The following CIMIP2C variants were observed in gnomAD, a reference collection of about 807,000 sequenced individuals.
The protein encoded by CIMIP2C is UPF0573 protein C2orf70.
At chr2:26,572,301 G>T in the CIMIP2C span, 1 of 736,518 alleles carries the variant, frequency 1.4e-6, no homozygotes, top group Non-Finnish European at 2.0e-6. Flanking sequence ...CAATAGATTT[G>T]AAGCTCACCA....
chr2:26,568,040 G>A, the CIMIP2C span, among the ~76,000 whole-genome samples: 6 of 152,218 alleles, frequency 3.9e-5, no homozygotes, highest in East Asian at 3.9e-4. Flanking sequence ...GCACACCCCC[G>A]CCCCCAGGCT....
chr2:26,575,116 C>T, the CIMIP2C span, among the ~76,000 whole-genome samples: 7 of 152,206 alleles, frequency 4.6e-5, no homozygotes, highest in African/African-American at 1.7e-4. Context: ...CCTCCGCTCG[C>T]CCATCTCCTG....
chr2:26,579,312 G>A, the CIMIP2C span: 93 of 1,613,602 alleles, frequency 5.8e-5, no homozygotes, highest in Non-Finnish European at 7.6e-5. Context: ...TGTGCCCAAA[G>A]AAGAAGTGGC....
the CIMIP2C span, among the ~76,000 whole-genome samples, chr2:26,573,219 G>T: frequency 2.6e-5 from 4 of 152,124 alleles, no homozygotes; most frequent in African/African-American, 9.7e-5. Context: ...GGCAGAAGAT[G>T]CAGCGTATTC....
chr2:26,571,758 G>T, the CIMIP2C span, among the ~76,000 whole-genome samples: 1 of 152,072 alleles, frequency 6.6e-6, no homozygotes, highest in Non-Finnish European at 1.5e-5. Flanking sequence ...GCGCGCTCAG[G>T]GTGGTATGGC....
the CIMIP2C span, among the ~76,000 whole-genome samples, chr2:26,572,349 G>GTT: frequency 7.2e-6 from 1 of 138,654 alleles, no homozygotes; most frequent in Non-Finnish European, 1.6e-5. Context: ...TACTGAGTTG[G>GTT]TTTTTTTTTT....
the CIMIP2C span, among the ~76,000 whole-genome samples, chr2:26,564,334 C>A: frequency 6.6e-6 from 1 of 152,226 alleles, no homozygotes; most frequent in Admixed American, 6.5e-5. Flanking sequence ...CACAGTTCCC[C>A]AACTCTGTTT....
chr2:26,579,451 A>G, the CIMIP2C span: 2 of 1,612,204 alleles, frequency 1.2e-6, no homozygotes, highest in Non-Finnish European at 8.5e-7. Flanking sequence ...CTTTTAGTTC[A>G]GAGCAGAGCC....
At chr2:26,571,117 T>C in the CIMIP2C span, among the ~76,000 whole-genome samples, 3 of 109,034 alleles carry the variant, frequency 2.8e-5, no homozygotes, top group Non-Finnish European at 3.8e-5. Context: ...ATTGCCAGAA[T>C]GGTGGAGGCT....
At chr2:26,567,003 G>A in the CIMIP2C span, among the ~76,000 whole-genome samples, 1 of 152,284 alleles carries the variant, frequency 6.6e-6, no homozygotes, top group South Asian at 2.1e-4. Context: ...AACATGCCTG[G>A]CCTAATATAA....
the CIMIP2C span, among the ~76,000 whole-genome samples, chr2:26,565,271 A>G: frequency 6.6e-6 from 1 of 152,082 alleles, no homozygotes; most frequent in African/African-American, 2.4e-5. Flanking sequence ...TTGTATTTTT[A>G]GTACAGGCGG....
At chr2:26,568,392 A>G in the CIMIP2C span, among the ~76,000 whole-genome samples, 3 of 152,266 alleles carry the variant, frequency 2.0e-5, no homozygotes, top group South Asian at 4.1e-4. Context: ...GCCAGCCCCT[A>G]TCTCTTCCCT....
chr2:26,566,371 G>T, the CIMIP2C span, among the ~76,000 whole-genome samples: 14 of 152,312 alleles, frequency 9.2e-5, no homozygotes, highest in African/African-American at 3.4e-4. Flanking sequence ...CAGGAGAGTG[G>T]TCCCACAAAG....
chr2:26,567,624 C>G, the CIMIP2C span, among the ~76,000 whole-genome samples: 289 of 152,294 alleles, frequency 1.9e-3, no homozygotes, highest in African/African-American at 6.4e-3. Context: ...TTCCAAAGCC[C>G]CTTCCACTTC....
the CIMIP2C span, among the ~76,000 whole-genome samples, chr2:26,577,345 C>A: frequency 6.6e-6 from 1 of 152,196 alleles, no homozygotes; most frequent in African/African-American, 2.4e-5. Context: ...AGTGAGGACA[C>A]CCAGCTGGTT....
chr2:26,578,932 G>T, the CIMIP2C span: 1 of 480,746 alleles, frequency 2.1e-6, no homozygotes, highest in South Asian at 1.5e-5. Flanking sequence ...TAGAACATTT[G>T]TTGTGTGTTT....
the CIMIP2C span, chr2:26,577,647 T>C: frequency 1.7e-5 from 27 of 1,592,224 alleles, no homozygotes; most frequent in Non-Finnish European, 2.3e-5. Flanking sequence ...CTGCCCTCCC[T>C]TCATCTACGC....
the CIMIP2C span, among the ~76,000 whole-genome samples, chr2:26,574,302 T>C: frequency 6.6e-6 from 1 of 152,104 alleles, no homozygotes; most frequent in African/African-American, 2.4e-5. Context: ...CTGGTGCAGT[T>C]AGAACAGTGA....
At chr2:26,578,572 G>A in the CIMIP2C span, 6 of 316,406 alleles carry the variant, frequency 1.9e-5, no homozygotes, top group Non-Finnish European at 3.8e-5. Flanking sequence ...GCAGAGCTTG[G>A]AAAGGAAGCA....
Sources: allele counts gnomAD v4.1 joint callset (sites outside exome capture counted in the v4.1 genomes callset), GRCh38; gene constraint gnomAD v4.1.1; transcripts MANE v1.5; gene names NCBI Gene and HGNC (gene_info 2026-07-23, HGNC 2026-07-21).